SLC35F4: variants seen among roughly 807,000 people sequenced by gnomAD.
The protein encoded by SLC35F4 is solute carrier family 35 member F4.
A neutral mutation model predicts 44.2 loss-of-function variants in SLC35F4; 24 were observed. The observed-to-expected ratio is 0.54, with a 90% CI of 0.39 to 0.76. The LOEUF is 0.76. Among genes scored for constraint, SLC35F4 ranks in the 30% least tolerant of loss-of-function variants. The pLI is 0.00. For synonymous variants in SLC35F4, 238 were observed against 223.6 expected, an observed-to-expected ratio of 1.06 and a Z score of -0.57; for missense variants, 562 against 586.1, an observed-to-expected ratio of 0.96 and a Z score of 0.42.
chr14:57,928,288 TG>T (rs895167200), intron 1 of SLC35F4, among the ~76,000 whole-genome samples: 4 of 152,210 alleles, frequency 2.6e-5, no homozygotes, highest in Middle Eastern at 3.2e-3. Context: ...GTGGAGAGCC[TG>T]TACTTCTATC....
At chr14:57,597,330 G>C (rs990150254) in intron 1 of SLC35F4, among the ~76,000 whole-genome samples, 1 of 152,160 alleles carries the variant, frequency 6.6e-6, no homozygotes. Flanking sequence ...CATAGCAGTG[G>C]GGCCATCTTG....
chr14:57,874,628 A>ATC (rs1364259725), intron 1 of SLC35F4, among the ~76,000 whole-genome samples: 2 of 152,158 alleles, frequency 1.3e-5, no homozygotes, highest in African/African-American at 4.8e-5. Flanking sequence ...CTCTCAGTGG[A>ATC]TCATCTTTCC....
chr14:57,924,183 C>T (rs1181915173), intron 1 of SLC35F4, among the ~76,000 whole-genome samples: 4 of 152,308 alleles, frequency 2.6e-5, no homozygotes, highest in African/African-American at 9.6e-5. Context: ...GTAAATTGCC[C>T]AATCTCAGGT....
At chr14:57,616,946 C>T (rs930606133) in intron 1 of SLC35F4, among the ~76,000 whole-genome samples, 1 of 152,048 alleles carries the variant, frequency 6.6e-6, no homozygotes, top group Non-Finnish European at 1.5e-5. Flanking sequence ...TCCTCTCAAT[C>T]AGAGCCACAG....
chr14:57,684,990 T>A (rs1385644941), intron 1 of SLC35F4, among the ~76,000 whole-genome samples: 1 of 152,202 alleles, frequency 6.6e-6, no homozygotes, highest in Non-Finnish European at 1.5e-5. Context: ...GGGTCTTAAG[T>A]GTATATCAGA....
intron 1 of SLC35F4, chr14:57,596,978 G>A: frequency 1.1e-6 from 1 of 938,744 alleles, no homozygotes; most frequent in South Asian, 1.5e-5. Flanking sequence ...CAGGGGTTGG[G>A]CCATGATACA....
At chr14:57,955,185 C>CA (rs1890214111) in intron 1 of SLC35F4, among the ~76,000 whole-genome samples, 1 of 151,976 alleles carries the variant, frequency 6.6e-6, no homozygotes, top group South Asian at 2.1e-4. Context: ...GGACCAATGA[C>CA]AAAAATCACA....
intron 1 of SLC35F4, among the ~76,000 whole-genome samples, chr14:57,874,641 T>G (rs947503414): frequency 6.6e-6 from 1 of 152,212 alleles, no homozygotes; most frequent in Non-Finnish European, 1.5e-5. Context: ...ATCTTTCCCC[T>G]GACCCTGTGC....
intron 1 of SLC35F4, among the ~76,000 whole-genome samples, chr14:57,823,101 T>C (rs1883349945): frequency 6.6e-6 from 1 of 151,752 alleles, no homozygotes; most frequent in South Asian, 2.1e-4. Flanking sequence ...CCACCCACAG[T>C]CCCCCACTGC....
chr14:57,725,606 G>A (rs995478629), intron 1 of SLC35F4, among the ~76,000 whole-genome samples: 1 of 152,208 alleles, frequency 6.6e-6, no homozygotes, highest in Non-Finnish European at 1.5e-5. Flanking sequence ...AAGTGTGGCA[G>A]TCAGCTCATC....
intron 1 of SLC35F4, among the ~76,000 whole-genome samples, chr14:57,899,457 C>G (rs1385030191): frequency 6.6e-6 from 1 of 152,212 alleles, no homozygotes; most frequent in South Asian, 2.1e-4. Context: ...CACAGAGAAG[C>G]TGTGAGGAAC....
intron 1 of SLC35F4, among the ~76,000 whole-genome samples, chr14:57,842,756 T>C (rs1362173511): frequency 6.6e-6 from 1 of 152,168 alleles, no homozygotes; most frequent in Non-Finnish European, 1.5e-5. Flanking sequence ...TGAGTGTCAA[T>C]TTAAATGGAT....
At chr14:57,903,216 T>C (rs1326523937) in intron 1 of SLC35F4, among the ~76,000 whole-genome samples, 1 of 151,930 alleles carries the variant, frequency 6.6e-6, no homozygotes, top group Non-Finnish European at 1.5e-5. Context: ...CTCAACACAA[T>C]AAGGAAAAGT....
intron 1 of SLC35F4, among the ~76,000 whole-genome samples, chr14:57,961,642 G>A (rs1402067706): frequency 1.3e-5 from 2 of 152,154 alleles, no homozygotes; most frequent in East Asian, 3.9e-4. Flanking sequence ...TGGCGGGATG[G>A]CTGCCCTACC....
rs181400036 is a variant in SLC35F4, at chr14:57,978,603, G to C, written n.152-1646C>G. Among the ~76,000 whole-genome samples the C allele has an allele frequency of 4.6e-5, 7 of 152,304 alleles. No homozygotes were observed. In the East Asian group the frequency reaches 1.3e-3, roughly 29 times the overall value. On this transcript the variant is annotated intron_variant and non_coding_transcript_variant, in intron 1 of 1. Transcript: ENST00000554648. ...CAGCTCAGGCACACTAACCTGTAGG[G>C]TTGGAACACTGCTTTCCAAAATGCT... is the stretch of plus-strand genomic sequence containing the variant.
In SLC35F4 at chr14:57,733,333, T is replaced by C. The variant is rs149844931; in HGVS notation, c.103+132390A>G. Reference sequence around the variant, plus strand: ...AAGAATGGATTTTTAAAGATACATGTCTGCTACAAGGAGAGTCAATTTTCT... The same window carrying C: ...AAGAATGGATTTTTAAAGATACATGCCTGCTACAAGGAGAGTCAATTTTCT... On this transcript the variant is annotated intron_variant, in intron 1 of 7. Transcript: ENST00000556826. 2.1e-3 allele frequency among the ~76,000 whole-genome samples: 315 copies of C among 147,180 alleles called. 1 individual carries two copies. Among genetic ancestry groups the C allele is most frequent in the African/African-American group, 7.1e-3 (281 of 39,714 alleles).
At chr14:57,732,697 G>C (rs2076371715) in intron 1 of SLC35F4, among the ~76,000 whole-genome samples, 1 of 152,100 alleles carries the variant, frequency 6.6e-6, no homozygotes, top group Non-Finnish European at 1.5e-5. Context: ...GGAAAACTCA[G>C]ACAGAGCTAA....
chr14:57,904,332 C>T (rs1431244724), intron 1 of SLC35F4, among the ~76,000 whole-genome samples: 2 of 152,216 alleles, frequency 1.3e-5, no homozygotes, highest in African/African-American at 4.8e-5. Context: ...AAGTTCTCAA[C>T]TTCCTAATGA....
At chr14:57,651,490 G>A (rs915386554) in intron 1 of SLC35F4, among the ~76,000 whole-genome samples, 1 of 152,096 alleles carries the variant, frequency 6.6e-6, no homozygotes, top group African/African-American at 2.4e-5. Context: ...GGGGACAGGT[G>A]AGGTACAGCA....
Sources: gnomAD v4.1 joint callset for allele counts (sites outside exome capture counted in the v4.1 genomes callset) on GRCh38, gnomAD v4.1.1 for gene constraint, MANE v1.5 for transcripts, NCBI Gene and HGNC (gene_info 2026-07-23, HGNC 2026-07-21) for gene names.